Variants in MAST2 observed in about 807,000 individuals in gnomAD.
MAST2 encodes microtubule-associated serine/threonine-protein kinase 2.
A neutral mutation model predicts 147.4 loss-of-function variants in MAST2; 70 were observed. That is an observed-to-expected ratio of 0.47 (90% CI 0.39 to 0.58). The LOEUF (loss-of-function observed/expected upper bound fraction) is 0.58. Among genes scored for constraint, MAST2 ranks in the 20% least tolerant of loss-of-function variants. The pLI is 0.00. For missense variants in MAST2, 2,080 were observed against 2,302.3 expected (o/e 0.90, Z 1.98); for synonymous variants, 869 against 896.8 (o/e 0.97, Z 0.55).
intron 4 of MAST2, among the ~76,000 whole-genome samples, chr1:45,895,811 GC>G (rs1326174062): frequency 6.6e-6 from 1 of 152,066 alleles, no homozygotes; most frequent in African/African-American, 2.4e-5. Flanking sequence ...ATTGAAAATG[GC>G]AAAATGTCAA....
At chr1:46,029,028 C>A in intron 18 of MAST2, 95 bp downstream of exon 18, 1 of 1,337,534 alleles carries the variant, frequency 7.5e-7, no homozygotes, top group Non-Finnish European at 1.0e-6. Context: ...AGCTCTTGTT[C>A]TGAACTCATC....
At chr1:46,027,324 C>G (rs1279196500) in intron 16 of MAST2, among the ~76,000 whole-genome samples, 1 of 152,188 alleles carries the variant, frequency 6.6e-6, no homozygotes, top group Non-Finnish European at 1.5e-5. Context: ...GCCCCCTGCC[C>G]CTCTCCCTGA....
At chr1:45,902,021 T>C (rs1649849156) in intron 4 of MAST2, among the ~76,000 whole-genome samples, 2 of 152,190 alleles carry the variant, frequency 1.3e-5, no homozygotes, top group Non-Finnish European at 2.9e-5. Context: ...CTATGTGGAA[T>C]AGGAGTAGTG....
intron 4 of MAST2, among the ~76,000 whole-genome samples, chr1:45,912,527 G>A (rs918809033): frequency 6.6e-6 from 1 of 152,138 alleles, no homozygotes; most frequent in Non-Finnish European, 1.5e-5. Context: ...TACTAAAGAG[G>A]TGTGACCCAC....
chr1:45,830,184 T>TTC (rs1294495575), intron 3 of MAST2, among the ~76,000 whole-genome samples: 3 of 145,662 alleles, frequency 2.1e-5, no homozygotes, highest in South Asian at 4.5e-4. Flanking sequence ...ATTGAATCTT[T>TTC]TTTTTTTTTT....
intron 5 of MAST2, among the ~76,000 whole-genome samples, chr1:45,983,442 C>G (rs1644491561): frequency 6.6e-6 from 1 of 151,872 alleles, no homozygotes; most frequent in African/African-American, 2.4e-5. Flanking sequence ...CCCCCTAACT[C>G]CTTTTCCCTC....
intron 4 of MAST2, among the ~76,000 whole-genome samples, chr1:45,934,687 T>C (rs967418915): frequency 6.6e-6 from 1 of 152,206 alleles, no homozygotes; most frequent in Non-Finnish European, 1.5e-5. Flanking sequence ...CCTACCAAAG[T>C]GCTGGGATTA....
At chr1:45,888,064 T>C (rs1294278772) in intron 4 of MAST2, among the ~76,000 whole-genome samples, 2 of 152,222 alleles carry the variant, frequency 1.3e-5, no homozygotes, top group South Asian at 2.1e-4. Flanking sequence ...TTTTTGTTAC[T>C]GTATGTTGAG....
At chr1:45,912,784 T>G (rs1413731619) in intron 4 of MAST2, among the ~76,000 whole-genome samples, 1 of 152,232 alleles carries the variant, frequency 6.6e-6, no homozygotes, top group East Asian at 1.9e-4. Context: ...TCCTATTTGT[T>G]GGGACTAATC....
At position 45,975,676 on chromosome 1, in the gene MAST2, CA is replaced by C. The variant is rs372155048; in HGVS notation, c.592+16215del. ...TGTGAAACAGAGCAAGACTCTGTCT[CA>C]AAAAAAAAAAAAAAACACAGACCAT... On this transcript the variant is annotated intron_variant, in intron 5 of 28. Coordinates refer to ENST00000361297, the MANE Select transcript of MAST2 (RefSeq NM_015112.3). Among the ~76,000 whole-genome samples the C allele has an allele frequency of 1.5e-3, 168 of 112,406 alleles. 2 individuals carry two copies. The South Asian group carries it at 0.02, about 13-fold the overall frequency. The allele number at this position is 112,406 out of a possible 152,430, so 73.7% of individuals were successfully genotyped here.
intron 1 of MAST2, among the ~76,000 whole-genome samples, chr1:45,816,009 G>A (rs879746297): frequency 2.6e-5 from 4 of 152,238 alleles, no homozygotes; most frequent in South Asian, 4.1e-4. Flanking sequence ...ATTTATTTTG[G>A]TTATAGACAG....
intron 7 of MAST2, among the ~76,000 whole-genome samples, chr1:46,004,341 G>A (rs1483472054): frequency 6.9e-6 from 1 of 144,620 alleles, no homozygotes; most frequent in Non-Finnish European, 1.5e-5. Flanking sequence ...TCCAGCCTGG[G>A]TGACAGAGCA....
intron 5 of MAST2, among the ~76,000 whole-genome samples, chr1:45,963,295 G>A (rs1351568456): frequency 6.6e-6 from 1 of 152,150 alleles, no homozygotes; most frequent in African/African-American, 2.4e-5. Flanking sequence ...TTCCAATTCT[G>A]TGAAGAAAGT....
chr1:45,850,927 A>G (rs1645606170), intron 3 of MAST2, among the ~76,000 whole-genome samples: 2 of 145,332 alleles, frequency 1.4e-5, no homozygotes, highest in Admixed American at 7.1e-5. Flanking sequence ...CTTTTTGCTT[A>G]GGATTGTTTT....
chr1:45,931,308 T>C (rs1655248196), intron 4 of MAST2, among the ~76,000 whole-genome samples: 1 of 152,062 alleles, frequency 6.6e-6, no homozygotes, highest in Admixed American at 6.6e-5. Flanking sequence ...TTGTCTGTTA[T>C]TTCCTCAGGA....
intron 3 of MAST2, among the ~76,000 whole-genome samples, chr1:45,849,314 G>A (rs1349291931): frequency 2.6e-5 from 4 of 152,044 alleles, no homozygotes; most frequent in Admixed American, 2.0e-4. Context: ...GGGGCCTCAC[G>A]TTACCCAACT....
intron 5 of MAST2, among the ~76,000 whole-genome samples, chr1:45,989,104 A>G (rs1557433225): frequency 6.6e-6 from 1 of 152,210 alleles, no homozygotes; most frequent in African/African-American, 2.4e-5. Context: ...GAATATACAC[A>G]TATCTATAAA....
chr1:45,866,851 TCCTGCCTCTG>T (rs1028201561), intron 3 of MAST2, among the ~76,000 whole-genome samples: 5 of 152,098 alleles, frequency 3.3e-5, no homozygotes, highest in Non-Finnish European at 7.4e-5. Context: ...CAAGTGATTC[TCCTGCCTCTG>T]CCTCCGGAGT....
At chr1:45,871,823 A>G (rs1646404269) in intron 3 of MAST2, among the ~76,000 whole-genome samples, 1 of 152,196 alleles carries the variant, frequency 6.6e-6, no homozygotes, top group Admixed American at 6.5e-5. Context: ...TGTTAGTTAC[A>G]TTATGTGGGT....
Sources: gnomAD v4.1 joint callset for allele counts (sites outside exome capture counted in the v4.1 genomes callset) on GRCh38, gnomAD v4.1.1 for gene constraint, MANE v1.5 for transcripts, NCBI Gene and HGNC (gene_info 2026-07-23, HGNC 2026-07-21) for gene names.